USP34: variants seen among roughly 807,000 people sequenced by gnomAD.
USP34 encodes ubiquitin specific peptidase 34, also known as ubiquitin carboxyl-terminal hydrolase 34.
USP34 carries 70 observed loss-of-function variants against 460.3 expected under a neutral mutation model. The observed-to-expected ratio is 0.15, with a 90% CI of 0.13 to 0.19. The LOEUF (loss-of-function observed/expected upper bound fraction) is 0.19, where lower values mean the gene tolerates loss of function less well. Ranked by LOEUF, USP34 falls within the 10% of genes least tolerant of loss-of-function variation. The pLI is 1.00. For missense variants in USP34, 3,985 were observed against 4,236.2 expected (o/e 0.94, Z 1.65); for synonymous variants, 1,647 against 1,405.3 (o/e 1.17, Z -3.85).
chr2:61,412,017 C>A (rs1474298095), intron 2 of USP34, among the ~76,000 whole-genome samples: 1 of 151,542 alleles, frequency 6.6e-6, no homozygotes, highest in African/African-American at 2.4e-5. Context: ...TGGAGAAACC[C>A]CGTCTCCACT....
chr2:61,448,812 A>G (rs992129760), intron 1 of USP34, among the ~76,000 whole-genome samples: 1 of 152,184 alleles, frequency 6.6e-6, no homozygotes, highest in Non-Finnish European at 1.5e-5. Flanking sequence ...ATAGCATCAG[A>G]AAGAATAAGA....
chr2:61,289,702 T>A (rs1000620394), intron 33 of USP34, among the ~76,000 whole-genome samples: 8 of 152,094 alleles, frequency 5.3e-5, no homozygotes, highest in Admixed American at 4.6e-4. Context: ...AGAAAAAAAG[T>A]CTTTTCAACA....
At chr2:61,324,389 G>T (rs1000086552) in intron 21 of USP34, among the ~76,000 whole-genome samples, 2 of 152,160 alleles carry the variant, frequency 1.3e-5, no homozygotes, top group African/African-American at 4.8e-5. Context: ...ATAAAGCCAA[G>T]TGATTTTCAA....
At chr2:61,329,562 C>CA (rs967058431) in intron 20 of USP34, among the ~76,000 whole-genome samples, 3 of 151,518 alleles carry the variant, frequency 2.0e-5, no homozygotes, top group Non-Finnish European at 4.4e-5. Flanking sequence ...AATAAACTGT[C>CA]AAAAAAAATT....
chr2:61,252,374 C>G (rs902674993), intron 48 of USP34, among the ~76,000 whole-genome samples: 1 of 149,114 alleles, frequency 6.7e-6, no homozygotes, highest in Non-Finnish European at 1.5e-5. Context: ...TCAATTGCTG[C>G]TACTACAGTA....
rs554092415 is a variant in USP34, at chr2:61,370,651, A to C, written c.1077-72T>G. The stretch of plus-strand genomic sequence containing the variant: ...TTTCTCATGTCTAAAAGGTAGAGTC[A>C]ATTGAAAACCTAAATTTGTTCCTAT... On this transcript the variant is annotated intron_variant, in intron 8 of 79. Coordinates refer to ENST00000398571, the MANE Select transcript of USP34 (RefSeq NM_014709.4). 3.2e-4 allele frequency: 442 copies of C among 1,388,874 alleles called. 2 individuals carry two copies. In the South Asian group the frequency reaches 5.3e-3, roughly 17 times the overall value. The allele number at this position is 1,388,874 out of a possible 1,614,324, so 86.0% of individuals were successfully genotyped here.
intron 2 of USP34, among the ~76,000 whole-genome samples, chr2:61,408,635 C>G (rs1693950199): frequency 6.6e-6 from 1 of 152,074 alleles, no homozygotes; most frequent in Non-Finnish European, 1.5e-5. Flanking sequence ...GTGGCTCACA[C>G]CTGTCATCAC....
chr2:61,210,732 T>C (rs1687251734), intron 69 of USP34, among the ~76,000 whole-genome samples: 4 of 152,128 alleles, frequency 2.6e-5, no homozygotes, highest in Admixed American at 2.6e-4. Flanking sequence ...TTTTTTCTTT[T>C]TTTGAGACTC....
chr2:61,376,854 G>A (rs539983119), intron 8 of USP34, among the ~76,000 whole-genome samples: 1 of 152,310 alleles, frequency 6.6e-6, no homozygotes, highest in East Asian at 1.9e-4. Flanking sequence ...ATGTTGGCCA[G>A]GCTGGCCTTG....
intron 41 of USP34, among the ~76,000 whole-genome samples, chr2:61,272,950 A>T (rs1689260089): frequency 6.6e-6 from 1 of 152,204 alleles, no homozygotes; most frequent in South Asian, 2.1e-4. Context: ...ATAATAAACC[A>T]AAAACAAATG....
chr2:61,233,065 G>C (rs986431067), intron 57 of USP34, among the ~76,000 whole-genome samples: 3 of 151,692 alleles, frequency 2.0e-5, no homozygotes, highest in African/African-American at 7.3e-5. Context: ...TCACTATGTT[G>C]GCCAGGCTGG....
At chr2:61,206,967 G>C in intron 70 of USP34, 81 bp from the exon 71 acceptor site, 1 of 1,440,802 alleles carries the variant, frequency 6.9e-7, no homozygotes, top group Non-Finnish European at 9.4e-7. Context: ...CGTCCTCTAC[G>C]ATAGATGTTT....
chr2:61,309,856 C>T (rs540899884), intron 27 of USP34, among the ~76,000 whole-genome samples: 1 of 152,296 alleles, frequency 6.6e-6, no homozygotes, highest in East Asian at 1.9e-4. Context: ...AACCTTCCCA[C>T]TGATATCCCC....
chr2:61,251,237 C>G (rs905248587), intron 48 of USP34, among the ~76,000 whole-genome samples: 1 of 152,110 alleles, frequency 6.6e-6, no homozygotes, highest in Admixed American at 6.5e-5. Flanking sequence ...TATCTGAATA[C>G]AAACAATTTT....
chr2:61,457,397 A>C (rs947423913), intron 1 of USP34, among the ~76,000 whole-genome samples: 1 of 152,214 alleles, frequency 6.6e-6, no homozygotes, highest in Non-Finnish European at 1.5e-5. Context: ...CCAATGATTA[A>C]AAGTAAAGCA....
intron 21 of USP34, among the ~76,000 whole-genome samples, chr2:61,319,802 C>A (rs918529697): frequency 1.3e-5 from 2 of 152,106 alleles, no homozygotes; most frequent in Non-Finnish European, 2.9e-5. Context: ...ACAAGATCGG[C>A]CACTGCACTC....
intron 47 of USP34, 149 bp downstream of exon 47, chr2:61,256,724 A>G: frequency 1.5e-6 from 1 of 645,836 alleles, no homozygotes; most frequent in Non-Finnish European, 2.5e-6. Flanking sequence ...TTTATGGTTG[A>G]TGTTTAACTC....
In USP34 at chr2:61,348,351, C is replaced by A; in HGVS notation, c.1804G>T (p.Ala602Ser). The change falls in exon 15 of 80, where the codon GCT becomes TCT. Residue 602 changes from alanine to serine, a missense_variant. By Grantham distance (99) the Ala-to-Ser change is moderately conservative (BLOSUM62 1). Around this residue, in one of 14 missense-constraint regions of USP34, gnomAD observed 716 missense variants for 626.2 expected, o/e 1.14. Transcript: ENST00000398571. ...EVNSSHASQSAGSPGSEVQSE... is the reference protein window; with the variant it reads ...EVNSSHASQSSGSPGSEVQSE... Reference sequence around the variant, plus strand: ...TGTACCTCACTGCCAGGGCTCCCAGCTGACTGGCTTGCGTGGCTAGAATTA... The same window carrying A: ...TGTACCTCACTGCCAGGGCTCCCAGATGACTGGCTTGCGTGGCTAGAATTA... 1 of 1,614,148 alleles carries A rather than the reference C, an allele frequency of 6.2e-7. No individual in the cohort carries two copies. Among genetic ancestry groups the A allele is most frequent in the Middle Eastern group, 1.6e-4 (1 of 6,062 alleles).
Position 61,188,345 on chromosome 2 carries a change from A to G in USP34, c.10398T>C (p.Ser3466=). ...SKDSTLAEEE[S]EFPSTSISAV... ...CAGAGATAGAAGTAGAAGGGAACTC[A>G]GATTCTTCCTCAGCTAGGGTAGAAT... Residue 3466 remains serine (S), a synonymous_variant, in exon 80 of 80, where the codon TCT becomes TCC. Coordinates refer to ENST00000398571, the MANE Select transcript of USP34 (RefSeq NM_014709.4). The G allele has an allele frequency of 6.2e-7, 1 of 1,613,710 alleles. No homozygotes were observed. The highest frequency in any genetic ancestry group is 8.5e-7 in the Non-Finnish European group (1 of 1,180,042).
Sources: gnomAD v4.1 joint callset for allele counts (sites outside exome capture counted in the v4.1 genomes callset) on GRCh38, gnomAD v4.1.1 for gene constraint, gnomAD v4.1.1 regional missense constraint, MANE v1.5 for transcripts, NCBI Gene and HGNC (gene_info 2026-07-23, HGNC 2026-07-21) for gene names.